Variants in TC2N observed in about 807,000 individuals in gnomAD.
The protein encoded by TC2N is tandem C2 domains, nuclear.
A neutral mutation model predicts 61.9 loss-of-function variants in TC2N; 51 were observed. The ratio of observed to expected loss-of-function variants is 0.82; its 90% CI spans 0.66 to 1.04. The LOEUF (loss-of-function observed/expected upper bound fraction) is 1.04. Among genes scored for constraint, TC2N ranks in the 50% least tolerant of loss-of-function variants. The pLI is 0.00. For missense variants in TC2N, 556 were observed against 566.7 expected, an observed-to-expected ratio of 0.98 and a Z score of 0.19; for synonymous variants, 204 against 192.6, an observed-to-expected ratio of 1.06 and a Z score of -0.49.
chr14:91,797,756 A>G, intron 8 of TC2N, 29 bp downstream of exon 8: 1 of 1,370,648 alleles, frequency 7.3e-7, no homozygotes, highest in Non-Finnish European at 1.0e-6. Flanking sequence ...AAAAACAGAA[A>G]AGAAATTCAA....
intron 1 of TC2N, among the ~76,000 whole-genome samples, chr14:91,835,719 C>T (rs1042799933): frequency 2.0e-5 from 3 of 152,242 alleles, no homozygotes; most frequent in Non-Finnish European, 4.4e-5. Flanking sequence ...AGTAAAGGGA[C>T]ACTTTTAACA....
chr14:91,835,416 T>C (rs984487579), intron 1 of TC2N, among the ~76,000 whole-genome samples: 1 of 152,264 alleles, frequency 6.6e-6, no homozygotes, highest in Non-Finnish European at 1.5e-5. Context: ...TTCTACAATA[T>C]TAATCAGGGA....
chr14:91,844,931 T>C (rs994682262), intron 1 of TC2N, among the ~76,000 whole-genome samples: 6 of 152,114 alleles, frequency 3.9e-5, no homozygotes, highest in African/African-American at 1.4e-4. Flanking sequence ...TAATGGTCCA[T>C]ATAAGTAAGT....
rs556567159 is a variant in TC2N at position 91,837,042 on chromosome 14, T to C, written c.-56-23217A>G. On this transcript the variant is annotated intron_variant, in intron 1 of 11. Transcript: ENST00000435962. This position sits in a 1 kb window ranked among gnomAD's most constrained non-coding sequence, Gnocchi z 4.2. Reference sequence around the variant, plus strand: ...TACTGCCTTGCCATCAATGGGTGTCTTGGAAAGAATATTAAATGTATCCAC... The same window carrying C: ...TACTGCCTTGCCATCAATGGGTGTCCTGGAAAGAATATTAAATGTATCCAC... 6.6e-6 allele frequency among the ~76,000 whole-genome samples: 1 copy of C among 152,302 alleles called. No homozygotes were observed. The highest frequency in any genetic ancestry group is 1.5e-5 in the Non-Finnish European group (1 of 68,032).
At chr14:91,833,311 A>G (rs1354663644) in intron 1 of TC2N, among the ~76,000 whole-genome samples, 1 of 152,216 alleles carries the variant, frequency 6.6e-6, no homozygotes, top group Non-Finnish European at 1.5e-5. Context: ...AACTATATGA[A>G]TAAAATAAAA....
At chr14:91,791,102 T>C (rs894714082) in intron 9 of TC2N, among the ~76,000 whole-genome samples, 16 of 148,180 alleles carry the variant, frequency 1.1e-4, no homozygotes, top group Middle Eastern at 3.2e-3. Context: ...CCATACTCCA[T>C]GCTGGGCTAC....
chr14:91,805,190 C>T (rs1025646741), intron 3 of TC2N, among the ~76,000 whole-genome samples: 3 of 151,780 alleles, frequency 2.0e-5, no homozygotes, highest in Non-Finnish European at 2.9e-5. Flanking sequence ...CATCAAGATA[C>T]GTAGGCCTAG....
At chr14:91,807,416 G>T (rs1449234394) in intron 3 of TC2N, among the ~76,000 whole-genome samples, 1 of 152,226 alleles carries the variant, frequency 6.6e-6, no homozygotes, top group African/African-American at 2.4e-5. Flanking sequence ...GCTGTACCTT[G>T]CAAAGCCACA....
At chr14:91,788,053 T>A (rs1252409023) in intron 9 of TC2N, among the ~76,000 whole-genome samples, 1 of 152,024 alleles carries the variant, frequency 6.6e-6, no homozygotes, top group Admixed American at 6.5e-5. Context: ...ATTTTCTAAT[T>A]ATGGAGATCA....
Position 91,785,282 on chromosome 14 carries a change from A to G in TC2N, c.1242T>C (p.Asn414=). 6.2e-7 allele frequency: 1 copy of G among 1,613,606 alleles called. No individual in the cohort carries two copies. The highest frequency in any genetic ancestry group is 8.5e-7 in the Non-Finnish European group (1 of 1,179,670). The change falls in exon 11 of 12, where the codon AAT becomes AAC. Residue 414 remains asparagine (N), a synonymous_variant. Coordinates refer to ENST00000435962, the MANE Select transcript of TC2N (RefSeq NM_001128596.3). Reference sequence around the variant, plus strand: ...TAGTCTCTCCCCACTTGACTCTTCCATTGGAGGCCTTCAGTAAGCGTGTCT... The same window carrying G: ...TAGTCTCTCCCCACTTGACTCTTCCGTTGGAGGCCTTCAGTAAGCGTGTCT... ...KKKTRLLKAS[N]GRVKWGETMI... is the part of the protein sequence containing the mutation.
chr14:91,835,305 G>GA (rs1200037959), intron 1 of TC2N, among the ~76,000 whole-genome samples: 1 of 152,148 alleles, frequency 6.6e-6, no homozygotes, highest in Non-Finnish European at 1.5e-5. Flanking sequence ...CCTCCTTCCA[G>GA]AAAAAGCAAT....
chr14:91,799,493 T>C, intron 5 of TC2N, among the ~76,000 whole-genome samples: 1 of 152,084 alleles, frequency 6.6e-6, no homozygotes, highest in Admixed American at 6.6e-5. Flanking sequence ...ACTCAGGCCC[T>C]ACTGCAGAGC....
chr14:91,784,114 GCAAGAAC>G (rs1184124973), intron 11 of TC2N, among the ~76,000 whole-genome samples: 2 of 152,054 alleles, frequency 1.3e-5, no homozygotes, highest in Non-Finnish European at 2.9e-5. Context: ...CAGATGACCA[GCAAGAAC>G]CTTTCCAGAA....
rs772242830 is a variant in TC2N, at chr14:91,792,461, T to C, written c.953A>G (p.Lys318Arg). 3 of 1,611,740 alleles carry C rather than the reference T, an allele frequency of 1.9e-6. No individual in the cohort carries two copies. Among genetic ancestry groups the C allele is most frequent in the Admixed American group, 3.3e-5 (2 of 60,016 alleles). ...VFKIQTQTPR[K>R]KTIGECSMSL... ...CATTGAGCATTCTCCAATGGTTTTC[T>C]TCCTGGGAGTCTGGGTTTGAATCTT... The change falls in exon 9 of 12, where the codon AAG (lysine) becomes AGG (arginine). Residue 318 changes from lysine (K) to arginine (R), a missense_variant. Transcript: ENST00000435962.
At position 91,785,362 on chromosome 14, in the gene TC2N, C is replaced by T; in HGVS notation, c.1163-1G>A. 1 of 1,610,192 alleles carries T rather than the reference C, an allele frequency of 6.2e-7. No homozygotes were observed. Among genetic ancestry groups the T allele is most frequent in the South Asian group, 1.1e-5 (1 of 90,566 alleles). ...AACATTCCCACCTTCACGAAAAAACCTAAAAAATTAGAAATATTGGTTTAT... is the reference window on the plus strand; with the variant it reads ...AACATTCCCACCTTCACGAAAAAACTTAAAAAATTAGAAATATTGGTTTAT... On this transcript the variant is annotated splice_acceptor_variant, in intron 10 of 11. Transcript: ENST00000435962. LOFTEE classifies it high-confidence loss of function.
At chr14:91,862,219 G>A (rs1373202214) in intron 1 of TC2N, among the ~76,000 whole-genome samples, 1 of 150,602 alleles carries the variant, frequency 6.6e-6, no homozygotes, top group Non-Finnish European at 1.5e-5. Context: ...GGGCACATGT[G>A]GTCCCAGCTA....
chr14:91,842,002 G>A (rs1325116400), intron 1 of TC2N, among the ~76,000 whole-genome samples: 2 of 138,280 alleles, frequency 1.4e-5, no homozygotes, highest in Non-Finnish European at 3.1e-5. Flanking sequence ...TTTGAGACAG[G>A]GTCTGGAGTG....
At position 91,800,281 on chromosome 14, in the gene TC2N, C is replaced by G; in HGVS notation, c.561G>C (p.Gln187His). 1 of 1,568,898 alleles carries G rather than the reference C, an allele frequency of 6.4e-7. No individual in the cohort carries two copies. Among genetic ancestry groups the G allele is most frequent in the Non-Finnish European group, 8.7e-7 (1 of 1,152,040 alleles). The part of the protein sequence containing the change: ...DLTNSSQRFI[Q>H]RHDSLSSVPS... ...AATTAAATTTATGTAGATAATTCAC[C>G]TGGATGAATCGCTGAGATGAGTTTG... The change falls in exon 5 of 12, where the codon CAG (glutamine) becomes CAC (histidine). Residue 187 changes from glutamine to histidine, a missense_variant and splice_region_variant. Gln to His is a conservative substitution (Grantham distance 24). Coordinates refer to ENST00000435962, the MANE Select transcript of TC2N (RefSeq NM_001128596.3).
At chr14:91,850,180 C>T (rs201692768) in intron 1 of TC2N, among the ~76,000 whole-genome samples, 17,716 of 69,252 alleles carry the variant, frequency 0.26, 1,200 homozygotes, top group South Asian at 0.44. Context: ...CAATCTCTTT[C>T]CTAAAAAAAA....
Sources: allele counts gnomAD v4.1 joint callset (sites outside exome capture counted in the v4.1 genomes callset), GRCh38; gene constraint gnomAD v4.1.1; non-coding constraint Gnocchi (gnomAD v3.1); transcripts MANE v1.5; gene names NCBI Gene and HGNC (gene_info 2026-07-23, HGNC 2026-07-21).